OPA1: variants seen among roughly 807,000 people sequenced by gnomAD.
OPA1 encodes the protein dynamin-like GTPase OPA1, mitochondrial.
In OPA1, 59 loss-of-function variants were observed where a neutral mutation model predicts 152.9. The ratio of observed to expected loss-of-function variants is 0.39; its 90% CI spans 0.31 to 0.48. The LOEUF (loss-of-function observed/expected upper bound fraction) is 0.48, where lower values mean the gene tolerates loss of function less well. Among genes scored for constraint, OPA1 ranks in the 20% least tolerant of loss-of-function variants. The pLI is 0.96. For synonymous variants in OPA1, 400 were observed against 389.9 expected, an observed-to-expected ratio of 1.03 and a Z score of -0.31; for missense variants, 1,008 against 1,216.8, an observed-to-expected ratio of 0.83 and a Z score of 2.55.
chr3:193,638,243 G>A lies in OPA1; in HGVS notation c.1149+178G>A, dbSNP rs139627835. Reference sequence around the variant, plus strand: ...CAGCCAGGAGGCCAGTGTGGCAGGAGCTGAGTGAGGGGAGAGTGGTAGGAG... The same window carrying A: ...CAGCCAGGAGGCCAGTGTGGCAGGAACTGAGTGAGGGGAGAGTGGTAGGAG... On this transcript the variant is annotated intron_variant, in intron 11 of 30. Transcript: ENST00000361510. Among the ~76,000 whole-genome samples the A allele has an allele frequency of 5.0e-3, 769 of 152,344 alleles. 6 individuals carry two copies. Among genetic ancestry groups the A allele is most frequent in the African/African-American group, 0.018 (730 of 41,580 alleles).
intron 26 of OPA1, among the ~76,000 whole-genome samples, chr3:193,663,194 T>C (rs561697755): frequency 1.3e-5 from 2 of 152,164 alleles, no homozygotes; most frequent in Non-Finnish European, 2.9e-5. Flanking sequence ...GAAATTTACT[T>C]TGGCAAGTTC....
rs1041043483 is a variant in OPA1, at chr3:193,637,874, G to C, written c.1036-78G>C. 16 of 1,170,568 alleles carry C rather than the reference G, an allele frequency of 1.4e-5. No individual in the cohort carries two copies. In the East Asian group the frequency reaches 2.2e-4, roughly 16 times the overall value. The allele number at this position is 1,170,568 out of a possible 1,614,324, so 72.5% of individuals were successfully genotyped here. A position where few individuals can be genotyped will look rare whatever the true frequency, so the allele number is the denominator to read the frequency against. ...AAATTTTAAAAGACTAAAAAACTCA[G>C]AGCAGCATTACAAATAGGTTTTAAT... On this transcript the variant is annotated intron_variant, in intron 10 of 30. Coordinates refer to ENST00000361510, the MANE Select transcript of OPA1 (RefSeq NM_130837.3).
At chr3:193,653,408 A>G (rs906794666) in intron 21 of OPA1, among the ~76,000 whole-genome samples, 2 of 152,130 alleles carry the variant, frequency 1.3e-5, no homozygotes. Context: ...TATTTCTGCT[A>G]CCCTGAGATT....
At chr3:193,655,547 T>C (rs879443180) in intron 22 of OPA1, among the ~76,000 whole-genome samples, 1 of 152,242 alleles carries the variant, frequency 6.6e-6, no homozygotes, top group Admixed American at 6.5e-5. Context: ...CCATGTATCT[T>C]GGCTTTATCA....
At position 193,635,517 on chromosome 3, in the gene OPA1, C is replaced by T. The variant is rs866764665; in HGVS notation, c.943C>T (p.Leu315Phe). 1.3e-6 allele frequency: 2 copies of T among 1,579,412 alleles called. No individual in the cohort carries two copies. The highest frequency in any genetic ancestry group is 1.7e-6 in the Non-Finnish European group (2 of 1,148,708). Reference protein sequence around the residue: ...KDDKGIHHRKLKKSLIDMYSE... With the variant: ...KDDKGIHHRKFKKSLIDMYSE... ...TGACAAAGGCATTCATCATAGAAAG[C>T]TTAAGGTATTCTAAGTTTGTCTTGT... is the stretch of plus-strand genomic sequence containing the variant. The change falls in exon 9 of 31, where the codon CTT becomes TTT. Residue 315 changes from leucine (L) to phenylalanine (F), a missense_variant. Around this residue, in one of 7 missense-constraint regions of OPA1, gnomAD observed 408 missense variants for 395.1 expected, o/e 1.03. Coordinates refer to ENST00000361510, the MANE Select transcript of OPA1 (RefSeq NM_130837.3).
chr3:193,625,338 A>G (rs1730911175), intron 6 of OPA1, among the ~76,000 whole-genome samples: 1 of 152,038 alleles, frequency 6.6e-6, no homozygotes. Context: ...TATTGTCTCC[A>G]TATCTTAATT....
chr3:193,682,238 T>C (rs1186768615), intron 29 of OPA1, among the ~76,000 whole-genome samples: 1 of 152,234 alleles, frequency 6.6e-6, no homozygotes, highest in Non-Finnish European at 1.5e-5. Context: ...AGCAAGTTCC[T>C]AACTCTATTC....
At chr3:193,652,782 G>T (rs1222643091) in intron 21 of OPA1, among the ~76,000 whole-genome samples, 1 of 152,140 alleles carries the variant, frequency 6.6e-6, no homozygotes, top group Non-Finnish European at 1.5e-5. Context: ...TGAGACAGAG[G>T]ACAGCAGCTT....
At chr3:193,662,257 A>G (rs1216571873) in intron 25 of OPA1, among the ~76,000 whole-genome samples, 3 of 152,208 alleles carry the variant, frequency 2.0e-5, no homozygotes, top group African/African-American at 7.2e-5. Flanking sequence ...CTGGAAGTGA[A>G]TTTAAGAAGG....
In OPA1 at chr3:193,643,510, A is replaced by G; in HGVS notation, c.1378-18A>G. ...GTGTGAAGCATTTATAATGACATTT[A>G]AAACCTTTTTCTTTAAGACTGTGAC... On this transcript the variant is annotated intron_variant, in intron 14 of 30. Coordinates refer to ENST00000361510, the MANE Select transcript of OPA1 (RefSeq NM_130837.3). 6.2e-7 allele frequency: 1 copy of G among 1,611,512 alleles called. No homozygotes were observed. The highest frequency in any genetic ancestry group is 2.2e-5 in the East Asian group (1 of 44,796).
chr3:193,693,576 G>A (rs1721955732), intron 30 of OPA1, among the ~76,000 whole-genome samples: 1 of 152,142 alleles, frequency 6.6e-6, no homozygotes, highest in Non-Finnish European at 1.5e-5. Flanking sequence ...GAAGGTAGTG[G>A]TTGCAGTAAG....
intron 29 of OPA1, among the ~76,000 whole-genome samples, chr3:193,670,034 C>G (rs1717564217): frequency 6.6e-6 from 1 of 152,122 alleles, no homozygotes; most frequent in African/African-American, 2.4e-5. Flanking sequence ...AGGAGATGAG[C>G]CATGACTTTG....
intron 3 of OPA1, among the ~76,000 whole-genome samples, chr3:193,616,926 A>G (rs1008272461): frequency 6.6e-6 from 1 of 152,148 alleles, no homozygotes; most frequent in Non-Finnish European, 1.5e-5. Flanking sequence ...TTTCAAATTG[A>G]TGTATTTGCC....
At position 193,644,002 on chromosome 3, in the gene OPA1, T is replaced by C. The variant is rs1478412519; in HGVS notation, c.1505T>C (p.Ile502Thr). 1 of 1,613,734 alleles carries C rather than the reference T, an allele frequency of 6.2e-7. No homozygotes were observed. Among genetic ancestry groups the C allele is most frequent in the Non-Finnish European group, 8.5e-7 (1 of 1,179,806 alleles). ...QDGSVDAERS[I>T]VTDLVSQMDP... ...GGATCTGTGGATGCTGAACGCAGTA[T>C]TGTTACAGACTTGGTCAGTCAAATG... is the stretch of plus-strand genomic sequence containing the variant. Residue 502 changes from isoleucine (I) to threonine (T), a missense_variant, in exon 16 of 31, where the codon ATT becomes ACT. This residue lies in a region of OPA1 where 213 missense variants were observed against 291.4 expected (regional missense o/e 0.73). Transcript: ENST00000361510.
intron 2 of OPA1, 21 bp downstream of exon 2, chr3:193,615,062 G>T (rs765192849): frequency 8.3e-6 from 13 of 1,574,882 alleles, no homozygotes; most frequent in Middle Eastern, 1.7e-4. Flanking sequence ...CATTCCTCCT[G>T]GTTTTCCAAT....
At chr3:193,601,793 G>A (rs904580230) in intron 1 of OPA1, among the ~76,000 whole-genome samples, 12 of 152,180 alleles carry the variant, frequency 7.9e-5, no homozygotes, top group Non-Finnish European at 1.6e-4. Flanking sequence ...TGTTTTTAGT[G>A]AGTGTAGGAA....
At chr3:193,624,091 G>A (rs377418155) in intron 6 of OPA1, 2 of 152,590 alleles carry the variant, frequency 1.3e-5, no homozygotes, top group East Asian at 3.8e-4. Flanking sequence ...TTACCATGCA[G>A]TTGTGTATAT....
intron 7 of OPA1, among the ~76,000 whole-genome samples, chr3:193,628,238 C>A (rs186233295): frequency 6.6e-6 from 1 of 152,050 alleles, no homozygotes; most frequent in South Asian, 2.1e-4. Context: ...AGTAGATCAT[C>A]ATTTTTGATG....
At chr3:193,637,767 T>C (rs775158328) in intron 10 of OPA1, among the ~76,000 whole-genome samples, 185 bp from the exon 11 acceptor site, 6 of 152,218 alleles carry the variant, frequency 3.9e-5, no homozygotes, top group Non-Finnish European at 8.8e-5. Flanking sequence ...CCAGTTATAG[T>C]TTTGCTGTTC....
Sources: allele counts gnomAD v4.1 joint callset (sites outside exome capture counted in the v4.1 genomes callset), GRCh38; gene constraint gnomAD v4.1.1; regional missense constraint gnomAD v4.1.1; transcripts MANE v1.5; gene names NCBI Gene and HGNC (gene_info 2026-07-23, HGNC 2026-07-21).